FAM168B: variants seen among roughly 807,000 people sequenced by gnomAD.
The protein encoded by FAM168B is myelin-associated neurite-outgrowth inhibitor.
In FAM168B, 19 loss-of-function variants were observed where a neutral mutation model predicts 21.8. The observed-to-expected ratio is 0.87, with a 90% confidence interval of 0.61 to 1.28. FAM168B has a LOEUF of 1.28. FAM168B is among the 50% of genes most tolerant of loss of function. FAM168B has a pLI of 0.00. For synonymous variants in FAM168B, 126 were observed against 104.8 expected (o/e 1.20, Z -1.24); for missense variants, 233 against 263.1 (o/e 0.89, Z 0.79).
At position 131,089,027 on chromosome 2, in the gene FAM168B, C is replaced by T. The variant is rs892636503; in HGVS notation, c.-12+4187G>A. 2.7e-5 allele frequency among the ~76,000 whole-genome samples: 4 copies of T among 150,010 alleles called. No individual in the cohort carries two copies. The South Asian group carries it at 8.4e-4, about 32-fold the overall frequency. ...TGTTGCCCAGGCTGGAGTGCAATGG[C>T]GCGATCTCAGCTCACCGCAACTTCT... is the stretch of plus-strand genomic sequence containing the variant. On this transcript the variant is annotated intron_variant, in intron 1 of 6. Transcript: ENST00000389915.
chr2:131,048,652 G>A lies in FAM168B; in HGVS notation c.*3813C>T. ...CCCTCAGGACCTACTGATAAAGCAT[G>A]TCCTCTGCAGTATACTCAAGAGTCT... On this transcript the variant is annotated 3_prime_UTR_variant, in exon 7 of 7. Transcript: ENST00000389915. The A allele has an allele frequency of 3.9e-6, 4 of 1,024,534 alleles. No individual in the cohort carries two copies. The highest frequency in any genetic ancestry group is 4.7e-6 in the Non-Finnish European group (4 of 852,626). The allele number at this position is 1,024,534 out of a possible 1,614,324, so 63.5% of individuals were successfully genotyped here.
chr2:131,058,021 G>A (rs561828816), intron 3 of FAM168B, among the ~76,000 whole-genome samples: 1 of 152,084 alleles, frequency 6.6e-6, no homozygotes, highest in Non-Finnish European at 1.5e-5. Context: ...TAGTATAGAC[G>A]GGATTTTGCC....
At chr2:131,092,112 C>A (rs941375588) in intron 1 of FAM168B, among the ~76,000 whole-genome samples, 7 of 151,536 alleles carry the variant, frequency 4.6e-5, no homozygotes, top group Non-Finnish European at 7.4e-5. Flanking sequence ...CCACTGCACT[C>A]CAGTCTGGGA....
rs1004185639 is a variant in FAM168B at position 131,050,121 on chromosome 2, A to C, written c.*2344T>G. On this transcript the variant is annotated 3_prime_UTR_variant, in exon 7 of 7. Transcript: ENST00000389915. ...GAAAAGTGTTTATGAAGCTGATGTAAATGGCGTGTGGGGGGTGCAGCCCAC... is the reference window on the plus strand; with the variant it reads ...GAAAAGTGTTTATGAAGCTGATGTACATGGCGTGTGGGGGGTGCAGCCCAC... The C allele has an allele frequency of 4.1e-6, 4 of 985,344 alleles. No homozygotes were observed. In the African/African-American group the frequency reaches 7.0e-5, roughly 17 times the overall value. The allele number at this position is 985,344 out of a possible 1,614,324, so 61.0% of individuals were successfully genotyped here.
Position 131,051,871 on chromosome 2 carries a change from A to C in FAM168B, c.*594T>G, listed in dbSNP as rs1269205118. The C allele has an allele frequency of 3.0e-6, 3 of 985,114 alleles. No individual in the cohort carries two copies. The highest frequency in any genetic ancestry group is 1.7e-5 in the African/African-American group (1 of 57,150). 61.0% of individuals were successfully genotyped at this position (985,114 alleles called of 1,614,324 possible). Reference sequence around the variant, plus strand: ...TCCCTACTCTCTCCCAAACCTCGCAACTCCCTCCCAGGACAGTCAGTGCCA... The same window carrying C: ...TCCCTACTCTCTCCCAAACCTCGCACCTCCCTCCCAGGACAGTCAGTGCCA... On this transcript the variant is annotated 3_prime_UTR_variant, in exon 7 of 7. Transcript: ENST00000389915.
At chr2:131,064,150 C>A (rs1692440151) in intron 3 of FAM168B, among the ~76,000 whole-genome samples, 1 of 152,140 alleles carries the variant, frequency 6.6e-6, no homozygotes, top group Non-Finnish European at 1.5e-5. Flanking sequence ...CCTGGCTGTG[C>A]CCTCAGGGAA....
intron 3 of FAM168B, among the ~76,000 whole-genome samples, chr2:131,066,923 G>C (rs1692591097): frequency 6.6e-6 from 1 of 152,126 alleles, no homozygotes; most frequent in African/African-American, 2.4e-5. Context: ...GAGGTTTAAT[G>C]GACTCACAGT....
intron 2 of FAM168B, 26 bp from the exon 3 acceptor site, chr2:131,071,964 A>G (rs1692893729): frequency 1.3e-6 from 2 of 1,595,102 alleles, no homozygotes; most frequent in Admixed American, 1.7e-5. Flanking sequence ...GAACAATCTC[A>G]TGTCATCAAC....
intron 3 of FAM168B, among the ~76,000 whole-genome samples, chr2:131,068,347 T>G (rs935258622): frequency 6.6e-6 from 1 of 152,146 alleles, no homozygotes; most frequent in African/African-American, 2.4e-5. Flanking sequence ...TTAGTAGAGA[T>G]GGGGTCTCAC....
chr2:131,058,584 C>T (rs560850877), intron 3 of FAM168B, among the ~76,000 whole-genome samples: 15 of 152,308 alleles, frequency 9.8e-5, no homozygotes, highest in African/African-American at 3.4e-4. Flanking sequence ...ATTCGCTCAC[C>T]GCTATGTTAA....
In FAM168B at chr2:131,050,858, C is replaced by G; in HGVS notation, c.*1607G>C. On this transcript the variant is annotated 3_prime_UTR_variant, in exon 7 of 7. Transcript: ENST00000389915. ...CCACAGCACTCAAACCACCACTGCACTGGGAAGAAGACGCACGCTCCTGCC... is the reference window on the plus strand; with the variant it reads ...CCACAGCACTCAAACCACCACTGCAGTGGGAAGAAGACGCACGCTCCTGCC... 1.0e-6 allele frequency: 1 copy of G among 985,506 alleles called. No individual in the cohort carries two copies. The highest frequency in any genetic ancestry group is 1.2e-6 in the Non-Finnish European group (1 of 830,024). 61.0% of individuals were successfully genotyped at this position (985,506 alleles called of 1,614,324 possible). A position where few individuals can be genotyped will look rare whatever the true frequency, so the allele number is the denominator to read the frequency against.
At chr2:131,053,126 G>A in intron 5 of FAM168B, 111 bp from the exon 6 acceptor site, 4 of 1,390,526 alleles carry the variant, frequency 2.9e-6, no homozygotes, top group Non-Finnish European at 3.8e-6. Flanking sequence ...TACAGGAAGA[G>A]GGATAGTCTT....
intron 3 of FAM168B, among the ~76,000 whole-genome samples, chr2:131,064,403 G>A (rs1692453807): frequency 6.6e-6 from 1 of 151,996 alleles, no homozygotes; most frequent in Non-Finnish European, 1.5e-5. Flanking sequence ...GAACACTGGA[G>A]GCAAAAATCC....
At chr2:131,062,833 C>A (rs1005990434) in intron 3 of FAM168B, among the ~76,000 whole-genome samples, 2 of 152,220 alleles carry the variant, frequency 1.3e-5, no homozygotes, top group Admixed American at 6.5e-5. Context: ...CATGCATATG[C>A]AACTCAGCAT....
At chr2:131,089,467 T>G (rs1394646270) in intron 1 of FAM168B, among the ~76,000 whole-genome samples, 1 of 149,878 alleles carries the variant, frequency 6.7e-6, no homozygotes, top group Non-Finnish European at 1.5e-5. Context: ...GCGCAGTGGC[T>G]CACGCCTGTA....
chr2:131,081,592 C>T (rs1558990299), intron 2 of FAM168B, among the ~76,000 whole-genome samples: 1 of 152,158 alleles, frequency 6.6e-6, no homozygotes, highest in Admixed American at 6.6e-5. Flanking sequence ...GGCCACTGGA[C>T]GACTAGACTG....
At chr2:131,087,631 A>C (rs1163026681) in intron 1 of FAM168B, among the ~76,000 whole-genome samples, 1 of 152,160 alleles carries the variant, frequency 6.6e-6, no homozygotes, top group East Asian at 1.9e-4. Flanking sequence ...TCAGTAATAG[A>C]TGATTGTGGA....
chr2:131,072,046 T>C, intron 2 of FAM168B, 108 bp from the exon 3 acceptor site: 2 of 917,356 alleles, frequency 2.2e-6, no homozygotes, highest in Middle Eastern at 4.7e-4. Context: ...CTCCACAGAC[T>C]TAAGCAGCCC....
In FAM168B at chr2:131,052,959, G is replaced by A; in HGVS notation, c.532C>T (p.Pro178Ser). 1 of 1,563,346 alleles carries A rather than the reference G, an allele frequency of 6.4e-7. No homozygotes were observed. Among genetic ancestry groups the A allele is most frequent in the Non-Finnish European group, 8.7e-7 (1 of 1,153,386 alleles). ...GGCGTTCCTGGGGCCCGGTACGTGGGCACAGTGACCGGGTGGGGGGCGACA... is the reference window on the plus strand; with the variant it reads ...GGCGTTCCTGGGGCCCGGTACGTGGACACAGTGACCGGGTGGGGGGCGACA... ...TPVAPHPVTVPTYRAPGTPTY... is the reference protein window; with the variant it reads ...TPVAPHPVTVSTYRAPGTPTY... The change falls in exon 6 of 7, where the codon CCC becomes TCC. Residue 178 changes from proline to serine, a missense_variant. By Grantham distance (74) the Pro-to-Ser change is moderately conservative. Transcript: ENST00000389915.
Sources: allele counts gnomAD v4.1 joint callset (sites outside exome capture counted in the v4.1 genomes callset), GRCh38; gene constraint gnomAD v4.1.1; transcripts MANE v1.5; gene names NCBI Gene and HGNC (gene_info 2026-07-23, HGNC 2026-07-21).